The following KAT6A variants were observed in gnomAD, a reference collection of about 807,000 sequenced individuals.
The protein encoded by KAT6A is lysine acetyltransferase 6A, also known as histone acetyltransferase KAT6A.
Under a neutral mutation model 198.4 loss-of-function variants are expected in KAT6A, and 9 were observed. That is an observed-to-expected ratio of 0.05 (90% confidence interval 0.03 to 0.08). KAT6A has a LOEUF of 0.08. Ranked by LOEUF, KAT6A falls within the 10% of genes least tolerant of loss-of-function variation. The pLI is 1.00. For synonymous variants in KAT6A, 890 were observed against 883.0 expected (o/e 1.01, Z -0.14); for missense variants, 2,077 against 2,509.9 (o/e 0.83, Z 3.69).
Position 42,048,294 on chromosome 8 carries a change from C to T in KAT6A, c.600+84G>A, listed in dbSNP as rs965382503. 3 of 1,493,166 alleles carry T rather than the reference C, an allele frequency of 2.0e-6. No homozygotes were observed. In the African/African-American group the frequency reaches 4.2e-5, roughly 21 times the overall value. The allele number at this position is 1,493,166 out of a possible 1,614,324, so 92.5% of individuals were successfully genotyped here. ...TCCACAGAAGTCCCCAAACAAAAAA[C>T]TTGAATATAACTTCCCAGAAATGTG... On this transcript the variant is annotated intron_variant, in intron 2 of 16. Transcript: ENST00000265713.
intron 8 of KAT6A, among the ~76,000 whole-genome samples, chr8:41,966,692 T>G (rs1304686930): frequency 6.6e-6 from 1 of 152,188 alleles, no homozygotes; most frequent in Non-Finnish European, 1.5e-5. Flanking sequence ...CTGAATCATT[T>G]AATACAGCAA....
intron 9 of KAT6A, among the ~76,000 whole-genome samples, chr8:41,952,819 A>C (rs1308021952): frequency 6.6e-6 from 1 of 152,204 alleles, no homozygotes; most frequent in African/African-American, 2.4e-5. Flanking sequence ...ATTTAAGTAA[A>C]TATAATTTTT....
intron 2 of KAT6A, among the ~76,000 whole-genome samples, chr8:42,029,402 C>T (rs1161683803): frequency 6.6e-6 from 1 of 152,114 alleles, no homozygotes; most frequent in Non-Finnish European, 1.5e-5. Context: ...GAATACCCAA[C>T]ACTCAAATAT....
intron 1 of KAT6A, among the ~76,000 whole-genome samples, chr8:42,050,558 T>G (rs1802561158): frequency 6.6e-6 from 1 of 151,678 alleles, no homozygotes; most frequent in Admixed American, 6.6e-5. Flanking sequence ...AAGAAAAGAG[T>G]GAAGCAAACA....
intron 2 of KAT6A, among the ~76,000 whole-genome samples, chr8:42,013,265 T>C (rs1174030937): frequency 1.8e-4 from 28 of 151,700 alleles, no homozygotes; most frequent in African/African-American, 5.3e-4. Flanking sequence ...TCTTTCTTTT[T>C]TTTTTTTTTT....
At chr8:42,016,852 T>C (rs115720898) in intron 2 of KAT6A, among the ~76,000 whole-genome samples, 4,940 of 152,180 alleles carry the variant, frequency 0.032, 183 homozygotes, top group South Asian at 0.084. Context: ...TTTCAAAATA[T>C]ATTTTATATA....
At chr8:41,935,115 C>T (rs551560798) in intron 16 of KAT6A, among the ~76,000 whole-genome samples, 3 of 152,302 alleles carry the variant, frequency 2.0e-5, no homozygotes, top group African/African-American at 7.2e-5. Context: ...AGACACTAGT[C>T]AGAACCAATT....
chr8:41,934,430 C>T lies in KAT6A; in HGVS notation c.3790G>A (p.Glu1264Lys), dbSNP rs1405806803. 6.8e-6 allele frequency: 11 copies of T among 1,609,278 alleles called. No individual in the cohort carries two copies. Among genetic ancestry groups the T allele is most frequent in the Non-Finnish European group, 9.3e-6 (11 of 1,177,470 alleles). The change falls in exon 17 of 17, where the codon GAA becomes AAA. Residue 1264 changes from glutamate to lysine, a missense_variant. This residue lies in a region of KAT6A where 375 missense variants were observed against 383.0 expected (regional missense o/e 0.98). Transcript: ENST00000265713. ...PADSSNSPET[E>K]TKEPEVEEEE... ...TCCTCCACCTCAGGCTCCTTGGTTT[C>T]GGTCTCAGGACTATTGCTGCTGTCT... is the stretch of plus-strand genomic sequence containing the variant.
intron 1 of KAT6A, among the ~76,000 whole-genome samples, chr8:42,051,577 C>T (rs1300405877): frequency 5.5e-5 from 8 of 145,236 alleles, no homozygotes; most frequent in Non-Finnish European, 9.2e-5. Context: ...CGCCCACCCG[C>T]CGGCTCCCCC....
chr8:41,935,957 T>C (rs1366746318), intron 16 of KAT6A, among the ~76,000 whole-genome samples: 2 of 152,232 alleles, frequency 1.3e-5, no homozygotes. Flanking sequence ...ATTCATCTTA[T>C]CACTATATTA....
rs1224319002 is a variant in KAT6A at position 42,049,041 on chromosome 8, A to C, written c.-64T>G. 5.3e-6 allele frequency: 8 copies of C among 1,496,378 alleles called. No individual in the cohort carries two copies. The Admixed American group carries it at 1.7e-4, about 32-fold the overall frequency. 92.7% of individuals were successfully genotyped at this position (1,496,378 alleles called of 1,614,324 possible). A position where few individuals can be genotyped will look rare whatever the true frequency, so the allele number is the denominator to read the frequency against. On this transcript the variant is annotated 5_prime_UTR_variant, in exon 2 of 17. Coordinates refer to ENST00000265713, the MANE Select transcript of KAT6A (RefSeq NM_006766.5). ...TATCCTGATGCTGAGTAAGTTTTAC[A>C]CCATGGAAAACAAGATTCTCGGAGG... is the stretch of plus-strand genomic sequence containing the variant.
chr8:42,007,936 T>G (rs534906860), intron 2 of KAT6A, among the ~76,000 whole-genome samples: 1 of 118,158 alleles, frequency 8.5e-6, no homozygotes, highest in East Asian at 2.5e-4. Flanking sequence ...TACTCCAGCC[T>G]GGGCGACAGA....
Position 41,977,229 on chromosome 8 carries a change from T to C in KAT6A, c.1142A>G (p.Glu381Gly). 6.2e-7 allele frequency: 1 copy of C among 1,614,126 alleles called. No homozygotes were observed. Among genetic ancestry groups the C allele is most frequent in the Non-Finnish European group, 8.5e-7 (1 of 1,179,962 alleles). Reference sequence around the variant, plus strand: ...GCCATCTATCCGCTCTAAATATCCTTCTTCTGATGATGATGATGCTGATTG... The same window carrying C: ...GCCATCTATCCGCTCTAAATATCCTCCTTCTGATGATGATGATGCTGATTG... ...SSQSASSSSEEGYLERIDGLD... is the reference protein window; with the variant it reads ...SSQSASSSSEGGYLERIDGLD... Residue 381 changes from glutamate (E) to glycine (G), a missense_variant, in exon 7 of 17, where the codon GAA (glutamate) becomes GGA (glycine). Glu to Gly is a moderately conservative substitution (Grantham distance 98). This residue lies in a region of KAT6A where 206 missense variants were observed against 214.9 expected (regional missense o/e 0.96). Transcript: ENST00000265713.
At chr8:41,949,869 A>C (rs570614564) in intron 9 of KAT6A, among the ~76,000 whole-genome samples, 1 of 152,270 alleles carries the variant, frequency 6.6e-6, no homozygotes, top group South Asian at 2.1e-4. Flanking sequence ...CTTTTTCCCA[A>C]CTTTCCTGGG....
intron 8 of KAT6A, among the ~76,000 whole-genome samples, chr8:41,966,617 T>C (rs1241557191): frequency 6.6e-6 from 1 of 152,186 alleles, no homozygotes; most frequent in Non-Finnish European, 1.5e-5. Context: ...CTGCTGCTTC[T>C]GTGATCATCT....
At position 41,932,770 on chromosome 8, in the gene KAT6A, G is replaced by A; in HGVS notation, c.5450C>T (p.Ala1817Val). The change falls in exon 17 of 17, where the codon GCA becomes GTA. Residue 1817 changes from alanine (A) to valine (V), a missense_variant. Around this residue, in one of 13 missense-constraint regions of KAT6A, gnomAD observed 500 missense variants for 577.2 expected, o/e 0.87. Transcript: ENST00000265713. The part of the protein sequence containing the change: ...QATMTPPPNL[A>V]STTMNLTSPL... ...AGATGTGAGGTTCATGGTAGTGGATGCCAAGTTTGGGGGTGGCGTCATGGT... is the reference window on the plus strand; with the variant it reads ...AGATGTGAGGTTCATGGTAGTGGATACCAAGTTTGGGGGTGGCGTCATGGT... The A allele has an allele frequency of 6.2e-7, 1 of 1,614,234 alleles. No individual in the cohort carries two copies. Among genetic ancestry groups the A allele is most frequent in the Non-Finnish European group, 8.5e-7 (1 of 1,180,020 alleles).
intron 9 of KAT6A, among the ~76,000 whole-genome samples, chr8:41,952,448 A>G (rs1822712425): frequency 6.6e-6 from 1 of 152,244 alleles, no homozygotes; most frequent in Non-Finnish European, 1.5e-5. Flanking sequence ...AGGTTTCGCA[A>G]TGAACCTACT....
intron 2 of KAT6A, among the ~76,000 whole-genome samples, chr8:42,026,493 T>C (rs905974050): frequency 6.6e-6 from 1 of 152,200 alleles, no homozygotes; most frequent in Non-Finnish European, 1.5e-5. Context: ...ACCTCCTTGG[T>C]TAAATTTATA....
At chr8:42,051,763 G>A (rs932834161) in intron 1 of KAT6A, 138 bp downstream of exon 1, 17 of 146,068 alleles carry the variant, frequency 1.2e-4, no homozygotes. Flanking sequence ...CTGGCGCAGA[G>A]CAGCGGGAGG....
Sources: gnomAD v4.1 joint callset for allele counts (sites outside exome capture counted in the v4.1 genomes callset) on GRCh38, gnomAD v4.1.1 for gene constraint, gnomAD v4.1.1 regional missense constraint, MANE v1.5 for transcripts, NCBI Gene and HGNC (gene_info 2026-07-23, HGNC 2026-07-21) for gene names.